Variants in SLC5A1 observed in about 807,000 individuals in gnomAD.
The protein encoded by SLC5A1 is sodium/glucose cotransporter 1.
A neutral mutation model predicts 73.5 loss-of-function variants in SLC5A1; 42 were observed. That is an observed-to-expected ratio of 0.57 (90% CI 0.45 to 0.74). The LOEUF (loss-of-function observed/expected upper bound fraction) is 0.74. Ranked by LOEUF, SLC5A1 falls within the 30% of genes least tolerant of loss-of-function variation. The pLI, the probability that SLC5A1 is intolerant of heterozygous loss-of-function variation, is 0.00. For missense variants in SLC5A1, 634 were observed against 855.4 expected (o/e 0.74, Z 3.23); for synonymous variants, 300 against 317.4 (o/e 0.95, Z 0.58).
chr22:32,069,884 C>T (rs1302464001), intron 5 of SLC5A1, among the ~76,000 whole-genome samples: 6 of 152,156 alleles, frequency 3.9e-5, no homozygotes, highest in South Asian at 2.1e-4. Flanking sequence ...GCAGTTGGAA[C>T]GAACTTCTCC....
chr22:32,057,908 A>C (rs2093954220), intron 2 of SLC5A1, among the ~76,000 whole-genome samples: 1 of 152,172 alleles, frequency 6.6e-6, no homozygotes, highest in African/African-American at 2.4e-5. Context: ...TTCAGTCCTC[A>C]GGCTCTGCTA....
At chr22:32,083,259 G>GCCTCAGCTCACTGCCT in intron 7 of SLC5A1, 105 bp downstream of exon 7, 1 of 912,398 alleles carries the variant, frequency 1.1e-6, no homozygotes, top group African/African-American at 1.6e-5. Context: ...ACTAGGCAGT[G>GCCTCAGCTCACTGCCT]AGCTGAGGCA....
At chr22:32,046,680 T>G (rs146589766) in intron 1 of SLC5A1, among the ~76,000 whole-genome samples, 5 of 152,336 alleles carry the variant, frequency 3.3e-5, no homozygotes, top group Non-Finnish European at 7.3e-5. Context: ...CCCAACATCC[T>G]CAGTTTCTTA....
chr22:32,086,464 G>T, intron 10 of SLC5A1, 137 bp downstream of exon 10: 1 of 699,000 alleles, frequency 1.4e-6, no homozygotes, highest in South Asian at 1.5e-5. Context: ...CATCATTGTG[G>T]GTGTCCTCAG....
intron 1 of SLC5A1, among the ~76,000 whole-genome samples, chr22:32,049,143 T>G (rs2093941359): frequency 6.9e-6 from 1 of 144,558 alleles, no homozygotes; most frequent in Admixed American, 7.0e-5. Context: ...ATTATATATA[T>G]ATAATCTATA....
chr22:32,083,089 T>C lies in SLC5A1; in HGVS notation c.599T>C (p.Val200Ala). Reference sequence around the variant, plus strand: ...GCCTGCTTAGGGGGCCTGGCGGCGGTGATTTACACGGACACCTTGCAGACG... The same window carrying C: ...GCCTGCTTAGGGGGCCTGGCGGCGGCGATTTACACGGACACCTTGCAGACG... The part of the protein sequence containing the change: ...LYTITGGLAA[V>A]IYTDTLQTVI... Residue 200 changes from valine (V) to alanine (A), a missense_variant, in exon 7 of 15, where the codon GTG becomes GCG. Val to Ala is a moderately conservative substitution (Grantham distance 64). Coordinates refer to ENST00000266088, the MANE Select transcript of SLC5A1 (RefSeq NM_000343.4). 1 of 1,614,144 alleles carries C rather than the reference T, an allele frequency of 6.2e-7. No homozygotes were observed. Among genetic ancestry groups the C allele is most frequent in the East Asian group, 2.2e-5 (1 of 44,876 alleles).
In SLC5A1 at chr22:32,091,743, G is replaced by C. The variant is rs749259104; in HGVS notation, c.1261G>C (p.Glu421Gln). 3 of 1,613,980 alleles carry C rather than the reference G, an allele frequency of 1.9e-6. No homozygotes were observed. Among genetic ancestry groups the C allele is most frequent in the Non-Finnish European group, 1.7e-6 (2 of 1,179,970 alleles). Residue 421 changes from glutamate (E) to glutamine (Q), a missense_variant, in exon 11 of 15, where the codon GAG becomes CAG. Around this residue, in one of 3 missense-constraint regions of SLC5A1, gnomAD observed 422 missense variants for 626.1 expected, o/e 0.67. Coordinates refer to ENST00000266088, the MANE Select transcript of SLC5A1 (RefSeq NM_000343.4). ...AKVRKRASEK[E>Q]LMIAGRLFIL... is the part of the protein sequence containing the mutation. ...GGTCCGCAAGAGAGCATCTGAGAAA[G>C]AGCTCATGATTGCCGGAAGGTAAAT...
At chr22:32,105,569 A>G (rs1011389964) in intron 14 of SLC5A1, among the ~76,000 whole-genome samples, 4 of 152,354 alleles carry the variant, frequency 2.6e-5, no homozygotes, top group Non-Finnish European at 5.9e-5. Flanking sequence ...TATTGGGATT[A>G]CAGGCATAAG....
intron 11 of SLC5A1, among the ~76,000 whole-genome samples, chr22:32,096,849 C>T (rs561868154): frequency 6.6e-6 from 1 of 152,252 alleles, no homozygotes; most frequent in East Asian, 1.9e-4. Context: ...GCTGCTACCT[C>T]ATAGGTCTCA....
At chr22:32,086,153 A>G in intron 9 of SLC5A1, 67 bp from the exon 10 acceptor site, 2 of 1,012,232 alleles carry the variant, frequency 2.0e-6, no homozygotes, top group African/African-American at 1.6e-5. Context: ...AAAAAAAAAA[A>G]GAAGGTGAAT....
intron 2 of SLC5A1, among the ~76,000 whole-genome samples, chr22:32,053,480 C>T (rs934406703): frequency 2.0e-5 from 3 of 151,936 alleles, no homozygotes; most frequent in African/African-American, 4.8e-5. Context: ...AGCTTAGTCT[C>T]TCCTCTAAGT....
chr22:32,087,498 A>C (rs2094010133), intron 10 of SLC5A1, among the ~76,000 whole-genome samples: 1 of 152,202 alleles, frequency 6.6e-6, no homozygotes, highest in Non-Finnish European at 1.5e-5. Flanking sequence ...ACACATGGGG[A>C]AAGAGGCAAG....
At chr22:32,086,891 A>G (rs2094009238) in intron 10 of SLC5A1, among the ~76,000 whole-genome samples, 2 of 152,350 alleles carry the variant, frequency 1.3e-5, no homozygotes, top group South Asian at 4.1e-4. Context: ...AAGAAAATGT[A>G]ATATACAGTA....
At chr22:32,063,420 A>G (rs34830043) in intron 2 of SLC5A1, among the ~76,000 whole-genome samples, 5,020 of 152,308 alleles carry the variant, frequency 0.033, 103 homozygotes, top group South Asian at 0.088. Flanking sequence ...GGAGGCTTGC[A>G]GATGTTCTAA....
chr22:32,056,676 G>A (rs887303046), intron 2 of SLC5A1, among the ~76,000 whole-genome samples: 11 of 152,230 alleles, frequency 7.2e-5, no homozygotes, highest in Middle Eastern at 3.4e-3. Context: ...GGGATCTCCC[G>A]ATATCCCTTA....
chr22:32,059,393 G>A, intron 2 of SLC5A1: 1 of 954,868 alleles, frequency 1.0e-6, no homozygotes, highest in Middle Eastern at 5.4e-4. Context: ...TCAGTGGAGA[G>A]GTGGGACTGG....
At chr22:32,096,362 G>C (rs1396456397) in intron 11 of SLC5A1, among the ~76,000 whole-genome samples, 1 of 152,176 alleles carries the variant, frequency 6.6e-6, no homozygotes, top group South Asian at 2.1e-4. Context: ...GGCAGAGACA[G>C]GACTGGAATC....
At chr22:32,088,608 G>A (rs574385855) in intron 10 of SLC5A1, among the ~76,000 whole-genome samples, 2 of 152,144 alleles carry the variant, frequency 1.3e-5, no homozygotes, top group South Asian at 4.2e-4. Context: ...CAAAGTGCTG[G>A]GATTACAGGT....
chr22:32,069,939 C>T (rs1292973614), intron 5 of SLC5A1, among the ~76,000 whole-genome samples: 1 of 152,122 alleles, frequency 6.6e-6, no homozygotes, highest in East Asian at 1.9e-4. Context: ...AATTCACTGT[C>T]CTTTTCCCTG....
Sources: gnomAD v4.1 joint callset for allele counts (sites outside exome capture counted in the v4.1 genomes callset) on GRCh38, gnomAD v4.1.1 for gene constraint, gnomAD v4.1.1 regional missense constraint, MANE v1.5 for transcripts, NCBI Gene and HGNC (gene_info 2026-07-23, HGNC 2026-07-21) for gene names.